GALNT13: variants seen among roughly 807,000 people sequenced by gnomAD.
GALNT13 encodes UDP-GalNAc:polypeptide N-acetylgalactosaminyltransferase 13.
In GALNT13, 28 loss-of-function variants were observed where a neutral mutation model predicts 64.2. That is an observed-to-expected ratio of 0.44 (90% CI 0.32 to 0.60). The LOEUF is 0.60. Ranked by LOEUF, GALNT13 falls within the 20% of genes least tolerant of loss-of-function variation. The pLI, the probability that GALNT13 is intolerant of heterozygous loss-of-function variation, is 0.05. For synonymous variants in GALNT13, 214 were observed against 224.6 expected (o/e 0.95, Z 0.42); for missense variants, 577 against 669.8 (o/e 0.86, Z 1.53).
intron 3 of GALNT13, among the ~76,000 whole-genome samples, chr2:154,018,227 G>A (rs1029199614): frequency 6.6e-6 from 1 of 152,090 alleles, no homozygotes; most frequent in African/African-American, 2.4e-5. Context: ...CATTTGTTTT[G>A]TTACTATTCC....
the GALNT13 span, among the ~76,000 whole-genome samples, chr2:153,640,607 A>AT: frequency 6.6e-6 from 1 of 151,962 alleles, no homozygotes; most frequent in Non-Finnish European, 1.5e-5. Flanking sequence ...AATGAGACCT[A>AT]ATTTTTTTCT....
chr2:153,628,253 A>G, the GALNT13 span, among the ~76,000 whole-genome samples: 6 of 151,556 alleles, frequency 4.0e-5, no homozygotes, highest in East Asian at 1.9e-4. Flanking sequence ...GGGCTGAGAC[A>G]ATGGGGTTTT....
chr2:153,237,615 T>C, the GALNT13 span, among the ~76,000 whole-genome samples: 2 of 152,064 alleles, frequency 1.3e-5, no homozygotes, highest in African/African-American at 4.8e-5. Context: ...TCACTTAACA[T>C]AATGACCTCC....
chr2:153,219,096 A>T, the GALNT13 span, among the ~76,000 whole-genome samples: 1 of 152,192 alleles, frequency 6.6e-6, no homozygotes, highest in African/African-American at 2.4e-5. Context: ...CCTCTTGGGG[A>T]TGGCCACCCA....
At chr2:153,312,533 A>G in the GALNT13 span, among the ~76,000 whole-genome samples, 2 of 152,138 alleles carry the variant, frequency 1.3e-5, no homozygotes, top group East Asian at 1.9e-4. Context: ...CCACAATATC[A>G]TCAGGGTTCT....
chr2:154,203,084 C>G (rs1183911861), intron 4 of GALNT13, among the ~76,000 whole-genome samples: 1 of 151,974 alleles, frequency 6.6e-6, no homozygotes, highest in Non-Finnish European at 1.5e-5. Context: ...CTATAACTGG[C>G]CCCCAAGCAG....
chr2:154,004,020 A>G lies in GALNT13; in HGVS notation c.142+59381A>G, dbSNP rs369118014. Among the ~76,000 whole-genome samples, 7 of 152,294 alleles carry G rather than the reference A, an allele frequency of 4.6e-5. No individual in the cohort carries two copies. In the East Asian group the frequency reaches 1.4e-3, roughly 29 times the overall value. ...TTTTATAGCAATGAAAAAACAGACT[A>G]ATACATACCTTTAATTTTTCTAATT... On this transcript the variant is annotated intron_variant, in intron 3 of 12. Transcript: ENST00000392825.
the GALNT13 span, among the ~76,000 whole-genome samples, chr2:153,524,567 T>C: frequency 6.6e-6 from 1 of 151,952 alleles, no homozygotes; most frequent in Non-Finnish European, 1.5e-5. Flanking sequence ...CAGTCGTGGG[T>C]GGTGTGGGGA....
chr2:153,634,410 T>C, the GALNT13 span, among the ~76,000 whole-genome samples: 1 of 152,034 alleles, frequency 6.6e-6, no homozygotes, highest in Non-Finnish European at 1.5e-5. Flanking sequence ...TTATAATTGT[T>C]CTTGATGACA....
chr2:153,366,720 GACACAC>G, the GALNT13 span, among the ~76,000 whole-genome samples: 4,678 of 109,040 alleles, frequency 0.043, 91 homozygotes, highest in South Asian at 0.077. Context: ...AGCACACAGG[GACACAC>G]ACACACACAC....
At chr2:153,188,187 T>C in the GALNT13 span, among the ~76,000 whole-genome samples, 1 of 152,024 alleles carries the variant, frequency 6.6e-6, no homozygotes, top group Admixed American at 6.6e-5. Context: ...TTATTAATAA[T>C]TTCCTCAAAC....
the GALNT13 span, among the ~76,000 whole-genome samples, chr2:153,376,606 G>C: frequency 3.2e-4 from 48 of 152,192 alleles, 1 homozygote; most frequent in Middle Eastern, 6.8e-3. Context: ...TTTGGTGACT[G>C]ACTGCCAGAA....
At chr2:154,314,008 A>C (rs2105139480) in intron 9 of GALNT13, among the ~76,000 whole-genome samples, 1 of 152,226 alleles carries the variant, frequency 6.6e-6, no homozygotes, top group Admixed American at 6.5e-5. Flanking sequence ...GAAATTACAA[A>C]ATTTTTCAAA....
the GALNT13 span, chr2:153,421,900 G>C: frequency 2.0e-5 from 1 of 50,520 alleles, no homozygotes; most frequent in South Asian, 1.8e-4. Flanking sequence ...AGAGCTCCCG[G>C]CAGCATTGCC....
chr2:153,572,294 T>G, the GALNT13 span, among the ~76,000 whole-genome samples: 2 of 151,696 alleles, frequency 1.3e-5, no homozygotes, highest in African/African-American at 4.8e-5. Context: ...CAATGTCTCC[T>G]TTTTCTCTCT....
the GALNT13 span, among the ~76,000 whole-genome samples, chr2:153,388,853 C>G: frequency 6.6e-6 from 1 of 152,048 alleles, no homozygotes; most frequent in Admixed American, 6.6e-5. Flanking sequence ...TTTTGACATA[C>G]TGCCACTTTT....
the GALNT13 span, among the ~76,000 whole-genome samples, chr2:153,160,366 T>G: frequency 2.6e-5 from 4 of 152,226 alleles, no homozygotes; most frequent in Non-Finnish European, 5.9e-5. Context: ...CTCTATTTCA[T>G]GTGAAAATTC....
At chr2:153,178,495 T>G in the GALNT13 span, among the ~76,000 whole-genome samples, 1 of 152,162 alleles carries the variant, frequency 6.6e-6, no homozygotes, top group Non-Finnish European at 1.5e-5. Context: ...CTATTGGCCA[T>G]TTCTTAATTA....
intron 9 of GALNT13, among the ~76,000 whole-genome samples, chr2:154,307,416 T>C (rs760167000): frequency 6.6e-6 from 1 of 152,210 alleles, no homozygotes; most frequent in Non-Finnish European, 1.5e-5. Flanking sequence ...AAAAATGAGA[T>C]GTATAAATAG....
Sources: allele counts gnomAD v4.1 joint callset (sites outside exome capture counted in the v4.1 genomes callset), GRCh38; gene constraint gnomAD v4.1.1; transcripts MANE v1.5; gene names NCBI Gene and HGNC (gene_info 2026-07-23, HGNC 2026-07-21).